The following NAA11 variants were observed in gnomAD, a reference collection of about 807,000 sequenced individuals.
The protein encoded by NAA11 is N-alpha-acetyltransferase 11.
NAA11 carries 15 observed loss-of-function variants against 16.1 expected under a neutral mutation model. The observed-to-expected ratio is 0.93, with a 90% confidence interval of 0.62 to 1.44. NAA11 has a LOEUF of 1.44. Ranked by LOEUF, NAA11 falls within the 40% of genes most tolerant of loss-of-function variation. The pLI is 0.00. For missense variants in NAA11, 298 were observed against 291.3 expected (o/e 1.02, Z -0.17); for synonymous variants, 122 against 112.4 (o/e 1.09, Z -0.54).
intron 2 of NAA11, among the ~76,000 whole-genome samples, chr4:79,278,174 T>C (rs1722706269): frequency 6.6e-6 from 1 of 152,068 alleles, no homozygotes; most frequent in Admixed American, 6.6e-5. Flanking sequence ...CACTGCCTTA[T>C]TTTTGTCCCT....
chr4:79,268,953 T>C (rs1311583811), intron 2 of NAA11, among the ~76,000 whole-genome samples: 1 of 128,718 alleles, frequency 7.8e-6, no homozygotes, highest in Non-Finnish European at 1.6e-5. Context: ...TATGCGGTGT[T>C]TGGTTTTTTG....
At chr4:79,220,796 G>A (rs1721172289), downstream of NAA11, among the ~76,000 whole-genome samples, 1 of 152,136 alleles carries the variant, frequency 6.6e-6, no homozygotes, top group Admixed American at 6.6e-5. Flanking sequence ...ATAGTTTGAA[G>A]TCAGGTAGTG....
intron 1 of NAA11, among the ~76,000 whole-genome samples, chr4:79,297,635 C>T (rs970202747): frequency 1.3e-5 from 2 of 152,220 alleles, no homozygotes; most frequent in Admixed American, 6.5e-5. Context: ...TGCACTCACT[C>T]GGGGTATTGC....
chr4:79,269,680 T>C (rs1338331758), intron 2 of NAA11, among the ~76,000 whole-genome samples: 26 of 146,982 alleles, frequency 1.8e-4, no homozygotes, highest in Admixed American at 1.2e-3. Flanking sequence ...GTAGTTTCTT[T>C]TGCTGTGCAG....
At chr4:79,196,791 A>G in the NAA11 span, among the ~76,000 whole-genome samples, 4 of 151,858 alleles carry the variant, frequency 2.6e-5, no homozygotes, top group African/African-American at 7.3e-5. Context: ...TGGGTTATCT[A>G]GGTGGGTCCT....
At chr4:79,282,765 A>G (rs1333600698) in intron 2 of NAA11, among the ~76,000 whole-genome samples, 1 of 152,132 alleles carries the variant, frequency 6.6e-6, no homozygotes, top group Non-Finnish European at 1.5e-5. Flanking sequence ...GGTGAGGTTC[A>G]AGGCTAGAGA....
In NAA11 at chr4:79,229,455, A is replaced by G. The variant is rs781064506; in HGVS notation, c.*123-3185T>C. ...TTTTAATGTATGTATTATATAGATG[A>G]GAAAATTAGTTTCAAAGAGGTTAAG... On this transcript the variant is annotated intron_variant and NMD_transcript_variant, in intron 2 of 2. Transcript: ENST00000511542. Among the ~76,000 whole-genome samples, 36 of 151,960 alleles carry G rather than the reference A, an allele frequency of 2.4e-4. 1 individual carries two copies. Among genetic ancestry groups the G allele is most frequent in the Admixed American group, 6.6e-4 (10 of 15,204 alleles).
downstream of NAA11, among the ~76,000 whole-genome samples, chr4:79,315,017 G>A (rs540649219): frequency 5.2e-4 from 79 of 151,932 alleles, no homozygotes; most frequent in African/African-American, 1.9e-3. Flanking sequence ...GAATTATTTA[G>A]GGTCTAATCT....
At chr4:79,290,497 C>T (rs1723054921) in intron 2 of NAA11, among the ~76,000 whole-genome samples, 1 of 152,102 alleles carries the variant, frequency 6.6e-6, no homozygotes, top group Non-Finnish European at 1.5e-5. Context: ...GGATACATCT[C>T]TCGCTTAAGC....
At chr4:79,163,344 A>G in the NAA11 span, among the ~76,000 whole-genome samples, 2 of 152,184 alleles carry the variant, frequency 1.3e-5, no homozygotes, top group Non-Finnish European at 2.9e-5. Flanking sequence ...ACTAGAAGAG[A>G]TCATGTGAAA....
chr4:79,215,287 C>T, the NAA11 span, among the ~76,000 whole-genome samples: 1 of 152,146 alleles, frequency 6.6e-6, no homozygotes, highest in African/African-American at 2.4e-5. Flanking sequence ...TTTATGTTTG[C>T]AGGGTAGTTC....
intron 1 of NAA11, chr4:79,299,616 ACTTCCT>A (rs1332554594): frequency 1.3e-5 from 2 of 152,172 alleles, no homozygotes; most frequent in Admixed American, 1.3e-4. Flanking sequence ...ATCAGTTGAC[ACTTCCT>A]CCTCTCCACC....
At chr4:79,215,174 C>G in the NAA11 span, among the ~76,000 whole-genome samples, 1 of 152,076 alleles carries the variant, frequency 6.6e-6, no homozygotes, top group Admixed American at 6.6e-5. Context: ...TTGTTCTTAC[C>G]AATTTACACA....
the NAA11 span, among the ~76,000 whole-genome samples, chr4:79,185,908 C>T: frequency 1.3e-5 from 2 of 151,886 alleles, no homozygotes; most frequent in Non-Finnish European, 2.9e-5. Flanking sequence ...AACTAGTTCA[C>T]ACGAAGTGTT....
the NAA11 span, among the ~76,000 whole-genome samples, chr4:79,181,693 C>T: frequency 6.6e-6 from 1 of 152,168 alleles, no homozygotes; most frequent in African/African-American, 2.4e-5. Context: ...CCTGCTCCTG[C>T]TTCAGTGTCC....
At chr4:79,189,155 A>AAAAAAAAAAAAAAAAAAAAAAAC in the NAA11 span, among the ~76,000 whole-genome samples, 1 of 146,828 alleles carries the variant, frequency 6.8e-6, no homozygotes, top group Non-Finnish European at 1.5e-5. Flanking sequence ...CAAAAAAAAA[A>AAAAAAAAAAAAAAAAAAAAAAAC]AAAAAAAAAC....
chr4:79,263,484 C>A (rs942477529), intron 2 of NAA11, among the ~76,000 whole-genome samples: 1 of 152,074 alleles, frequency 6.6e-6, no homozygotes, highest in Admixed American at 6.5e-5. Flanking sequence ...CTGAATGGTA[C>A]CATAAATGTA....
intron 2 of NAA11, among the ~76,000 whole-genome samples, chr4:79,247,711 C>A (rs1193794564): frequency 6.6e-6 from 1 of 152,076 alleles, no homozygotes; most frequent in African/African-American, 2.4e-5. Context: ...AAGCTGGGAA[C>A]CCTGCCCAGG....
chr4:79,315,222 C>A (rs1723892810), downstream of NAA11, among the ~76,000 whole-genome samples: 1 of 151,902 alleles, frequency 6.6e-6, no homozygotes, highest in Non-Finnish European at 1.5e-5. Flanking sequence ...CATTTTTTAA[C>A]ATAATAACCA....
Sources: allele counts gnomAD v4.1 joint callset (sites outside exome capture counted in the v4.1 genomes callset), GRCh38; gene constraint gnomAD v4.1.1; transcripts MANE v1.5; gene names NCBI Gene and HGNC (gene_info 2026-07-23, HGNC 2026-07-21).